DLEC1: variants seen among roughly 807,000 people sequenced by gnomAD.
DLEC1 encodes the protein DLEC1 cilia and flagella associated protein.
In DLEC1, 146 loss-of-function variants were observed where a neutral mutation model predicts 198.1. That is an observed-to-expected ratio of 0.74 (90% CI 0.64 to 0.85). DLEC1 has a LOEUF of 0.85. DLEC1 is among the 40% of genes least tolerant of loss of function. DLEC1 has a pLI of 0.00. For synonymous variants in DLEC1, 897 were observed against 866.8 expected (o/e 1.03, Z -0.61); for missense variants, 2,233 against 2,220.0 (o/e 1.01, Z -0.12).
chr3:38,057,142 A>T (rs1225771710), intron 2 of DLEC1, among the ~76,000 whole-genome samples: 1 of 152,256 alleles, frequency 6.6e-6, no homozygotes, highest in Admixed American at 6.5e-5. Context: ...GGGAATGGAT[A>T]GGTAGGTTGT....
At position 38,116,441 on chromosome 3, in the gene DLEC1, C is replaced by T. The variant is rs747840025; in HGVS notation, c.3857-12C>T. The stretch of plus-strand genomic sequence containing the variant: ...CCCTTATTCCTCACCCTGCTCCACA[C>T]ATCTGCCCCAGACATCCGCCTGGAT... On this transcript the variant is annotated splice_polypyrimidine_tract_variant and intron_variant, in intron 27 of 36. Coordinates refer to ENST00000308059, the MANE Select transcript of DLEC1 (RefSeq NM_007335.4). 7 of 1,613,882 alleles carry T rather than the reference C, an allele frequency of 4.3e-6. No homozygotes were observed. Among genetic ancestry groups the T allele is most frequent in the Non-Finnish European group, 5.9e-6 (7 of 1,179,956 alleles).
chr3:38,120,601 A>C lies in DLEC1; in HGVS notation c.4858A>C (p.Thr1620Pro). 6.2e-7 allele frequency: 1 copy of C among 1,613,290 alleles called. No individual in the cohort carries two copies. The highest frequency in any genetic ancestry group is 8.5e-7 in the Non-Finnish European group (1 of 1,179,998). The change falls in exon 34 of 37, where the codon ACC becomes CCC. Residue 1620 changes from threonine to proline, a missense_variant. Transcript: ENST00000308059. The stretch of plus-strand genomic sequence containing the variant: ...CCTGCTCCTGGAGTACACCAACCAG[A>C]CCACTCAGGCACGCCCCAGGCCCAC... ...QNLLLEYTNQ[T>P]TQVVPLRAVV...
Position 38,039,269 on chromosome 3 carries a change from G to A in DLEC1, c.44G>A (p.Arg15Gln), listed in dbSNP as rs748605134. ...AAAACGCGGAGGTCTTTAGCGTCCC[G>A]GACCAACGAGTGCCAGGGGACAATG... is the stretch of plus-strand genomic sequence containing the variant. The part of the protein sequence containing the change: ...SSKTRRSLAS[R>Q]TNECQGTMWA... Residue 15 changes from arginine to glutamine, a missense_variant, in exon 1 of 37, where the codon CGG becomes CAG. Arg to Gln is a conservative substitution (Grantham distance 43). Coordinates refer to ENST00000308059, the MANE Select transcript of DLEC1 (RefSeq NM_007335.4). 9.9e-6 allele frequency: 16 copies of A among 1,613,762 alleles called. No homozygotes were observed. The highest frequency in any genetic ancestry group is 1.7e-4 in the Middle Eastern group (1 of 6,060).
At chr3:38,085,785 C>T (rs537383502) in intron 8 of DLEC1, among the ~76,000 whole-genome samples, 1 of 152,246 alleles carries the variant, frequency 6.6e-6, no homozygotes, top group African/African-American at 2.4e-5. Context: ...CCTGTGCACC[C>T]TGAGGAGTCC....
rs758915315 is a variant in DLEC1, at chr3:38,059,824, T to C, written c.645T>C (p.Asp215=). ...TCTCCCCAGAAGATTACTACACCGA[T>C]ACAGTGCCGTTTCACTCTGCACCTA... The part of the protein sequence containing the change: ...HLISPEDYYT[D]TVPFHSAPKG... Residue 215 remains aspartate, a synonymous_variant, in exon 3 of 37, where the codon GAT becomes GAC. Transcript: ENST00000308059. 6.2e-7 allele frequency: 1 copy of C among 1,614,202 alleles called. No homozygotes were observed. The highest frequency in any genetic ancestry group is 8.5e-7 in the Non-Finnish European group (1 of 1,180,026).
chr3:38,123,195 G>A lies in DLEC1; in HGVS notation c.*783G>A. ...ACCTCCAGACCAGGCTGACCCAGAA[G>A]GACGTCATGGACAAGTAGGATGCAA... On this transcript the variant is annotated 3_prime_UTR_variant, in exon 37 of 37. Coordinates refer to ENST00000308059, the MANE Select transcript of DLEC1 (RefSeq NM_007335.4). The A allele has an allele frequency of 7.1e-7, 1 of 1,415,354 alleles. No homozygotes were observed. The highest frequency in any genetic ancestry group is 2.3e-5 in the East Asian group (1 of 43,944). The allele number at this position is 1,415,354 out of a possible 1,614,324, so 87.7% of individuals were successfully genotyped here. A position where few individuals can be genotyped will look rare whatever the true frequency, so the allele number is the denominator to read the frequency against.
chr3:38,105,279 T>TGTTA (rs61649646), intron 19 of DLEC1, among the ~76,000 whole-genome samples: 63,961 of 151,608 alleles, frequency 0.42, 14,094 homozygotes, highest in East Asian at 0.6. Flanking sequence ...GAGTGTTGCC[T>TGTTA]GTTCTGTTTG....
At chr3:38,115,075 T>A (rs747682266) in intron 27 of DLEC1, 22 bp downstream of exon 27, 43 of 1,613,050 alleles carry the variant, frequency 2.7e-5, no homozygotes, top group Non-Finnish European at 3.6e-5. Context: ...ATGAGAGAAG[T>A]CAGTGTTCTT....
chr3:38,111,731 C>A lies in DLEC1; in HGVS notation c.3498C>A (p.Ala1166=). The change falls in exon 24 of 37, where the codon GCC becomes GCA. Residue 1166 remains alanine (A), a synonymous_variant. Transcript: ENST00000308059. ...LKTVRMQEHL[A]KREQLDFMES... ...CAGTGCGGATGCAAGAGCACCTGGC[C>A]AAGCGAGAGCAGCTGGGTAAGCGCC... 6.2e-7 allele frequency: 1 copy of A among 1,612,590 alleles called. No individual in the cohort carries two copies. The highest frequency in any genetic ancestry group is 1.1e-5 in the South Asian group (1 of 90,984).
At chr3:38,109,867 C>A in intron 22 of DLEC1, 1 of 677,560 alleles carries the variant, frequency 1.5e-6, no homozygotes, top group Non-Finnish European at 2.4e-6. Flanking sequence ...CAACTGGGAG[C>A]CATGCCAGCA....
In DLEC1 at chr3:38,108,448, C is replaced by A; in HGVS notation, c.3062C>A (p.Pro1021His). The A allele has an allele frequency of 1.2e-6, 2 of 1,614,166 alleles. No homozygotes were observed. Among genetic ancestry groups the A allele is most frequent in the South Asian group, 1.1e-5 (1 of 91,080 alleles). The change falls in exon 21 of 37, where the codon CCC (proline) becomes CAC (histidine). Residue 1021 changes from proline (P) to histidine (H), a missense_variant. Transcript: ENST00000308059. Reference sequence around the variant, plus strand: ...GAATTCTGCATGGTGACAGTCTCCCCCAAACATGGCCTGCTGGGCCCAAGT... The same window carrying A: ...GAATTCTGCATGGTGACAGTCTCCCACAAACATGGCCTGCTGGGCCCAAGT... Reference protein sequence around the residue: ...QAEFCMVTVSPKHGLLGPSEE... With the variant: ...QAEFCMVTVSHKHGLLGPSEE...
intron 2 of DLEC1, among the ~76,000 whole-genome samples, chr3:38,051,345 G>A (rs943296294): frequency 5.9e-5 from 9 of 152,232 alleles, no homozygotes; most frequent in South Asian, 2.1e-4. Context: ...CTGGTCCACC[G>A]CGGTCCCCAC....
intron 2 of DLEC1, among the ~76,000 whole-genome samples, chr3:38,048,842 C>G (rs1004410400): frequency 3.1e-4 from 47 of 152,160 alleles, no homozygotes; most frequent in African/African-American, 1.1e-3. Flanking sequence ...CACTCAGGCA[C>G]AGGTTCTGTA....
chr3:38,109,284 T>G, intron 21 of DLEC1, 148 bp from the exon 22 acceptor site: 1 of 1,152,620 alleles, frequency 8.7e-7, no homozygotes, highest in South Asian at 1.6e-5. Context: ...TGAGGGCGGG[T>G]CGACTGGCTG....
chr3:38,120,476 A>C lies in DLEC1; in HGVS notation c.4733A>C (p.Glu1578Ala). The change falls in exon 34 of 37, where the codon GAG becomes GCG. Residue 1578 changes from glutamate to alanine, a missense_variant. By Grantham distance (107) the Glu-to-Ala change is moderately radical. Coordinates refer to ENST00000308059, the MANE Select transcript of DLEC1 (RefSeq NM_007335.4). ...AACGTGTCCTTCTCACTCTCCCTGGAGCTGCTCTCCTATCAGAAGCTCCCA... is the reference window on the plus strand; with the variant it reads ...AACGTGTCCTTCTCACTCTCCCTGGCGCTGCTCTCCTATCAGAAGCTCCCA... The part of the protein sequence containing the change: ...LVNVSFSLSL[E>A]LLSYQKLPAD... 6.2e-7 allele frequency: 1 copy of C among 1,614,180 alleles called. No homozygotes were observed. Among genetic ancestry groups the C allele is most frequent in the South Asian group, 1.1e-5 (1 of 91,086 alleles).
At chr3:38,101,560 G>C (rs1400225982) in intron 19 of DLEC1, among the ~76,000 whole-genome samples, 3 of 151,684 alleles carry the variant, frequency 2.0e-5, no homozygotes. Context: ...GCATATATTT[G>C]GTGTTTCATT....
At chr3:38,056,934 TC>T (rs1158049344) in intron 2 of DLEC1, among the ~76,000 whole-genome samples, 1 of 152,200 alleles carries the variant, frequency 6.6e-6, no homozygotes, top group Non-Finnish European at 1.5e-5. Flanking sequence ...CAGAGGGATG[TC>T]CTTTCACACC....
intron 5 of DLEC1, 21 bp downstream of exon 5, chr3:38,062,822 A>G (rs1354066325): frequency 6.2e-7 from 1 of 1,610,358 alleles, no homozygotes; most frequent in South Asian, 1.1e-5. Flanking sequence ...CTCTGGCTTG[A>G]ACTCTCAGAA....
chr3:38,088,724 C>T (rs560139317), intron 10 of DLEC1, among the ~76,000 whole-genome samples: 1 of 152,170 alleles, frequency 6.6e-6, no homozygotes, highest in Non-Finnish European at 1.5e-5. Context: ...TTCCCTCCCC[C>T]AGGCCCCTCT....
Sources: allele counts gnomAD v4.1 joint callset (sites outside exome capture counted in the v4.1 genomes callset), GRCh38; gene constraint gnomAD v4.1.1; transcripts MANE v1.5; gene names NCBI Gene and HGNC (gene_info 2026-07-23, HGNC 2026-07-21).